The following COMMD10 variants were observed in gnomAD, a reference collection of about 807,000 sequenced individuals.
COMMD10 encodes the protein COMM domain containing 10.
In COMMD10, 33 loss-of-function variants were observed where a neutral mutation model predicts 28.9. The ratio of observed to expected loss-of-function variants is 1.14; its 90% CI spans 0.87 to 1.53. The LOEUF is 1.53. Among genes scored for constraint, COMMD10 ranks in the 40% most tolerant of loss-of-function variants. The pLI is 0.00. For synonymous variants in COMMD10, 110 were observed against 81.7 expected, an observed-to-expected ratio of 1.35 and a Z score of -1.87; for missense variants, 310 against 233.4, an observed-to-expected ratio of 1.33 and a Z score of -2.14.
At chr5:116,282,482 T>C (rs1486319857) in intron 5 of COMMD10, among the ~76,000 whole-genome samples, 1 of 151,952 alleles carries the variant, frequency 6.6e-6, no homozygotes, top group Non-Finnish European at 1.5e-5. Flanking sequence ...AACTCTATAA[T>C]GCTTTTACAT....
intron 1 of COMMD10, among the ~76,000 whole-genome samples, chr5:116,086,740 G>A (rs1411234698): frequency 6.6e-6 from 1 of 152,190 alleles, no homozygotes; most frequent in Non-Finnish European, 1.5e-5. Flanking sequence ...GATTATAGGG[G>A]TGAGCCACTG....
At chr5:116,111,655 T>G (rs996410028) in intron 4 of COMMD10, among the ~76,000 whole-genome samples, 11 of 152,188 alleles carry the variant, frequency 7.2e-5, no homozygotes, top group Admixed American at 6.5e-4. Context: ...TATGATTTGA[T>G]TTTTAAAAAT....
At chr5:116,109,900 G>A (rs1417469469) in intron 4 of COMMD10, among the ~76,000 whole-genome samples, 4 of 152,192 alleles carry the variant, frequency 2.6e-5, no homozygotes, top group Admixed American at 2.6e-4. Context: ...AGGACTTCCA[G>A]TACTATGTTA....
At chr5:116,111,375 A>G (rs191928029) in intron 4 of COMMD10, among the ~76,000 whole-genome samples, 12 of 151,728 alleles carry the variant, frequency 7.9e-5, no homozygotes, top group South Asian at 4.2e-4. Context: ...TTAATTTGCA[A>G]TCTTTCTACT....
At chr5:116,142,866 A>G (rs1212629609) in intron 5 of COMMD10, among the ~76,000 whole-genome samples, 1 of 151,696 alleles carries the variant, frequency 6.6e-6, no homozygotes, top group African/African-American at 2.4e-5. Flanking sequence ...AATTGCCAAG[A>G]TACTTTGAAA....
intron 5 of COMMD10, among the ~76,000 whole-genome samples, chr5:116,186,153 G>T (rs971514766): frequency 6.6e-6 from 1 of 152,066 alleles, no homozygotes; most frequent in Non-Finnish European, 1.5e-5. Flanking sequence ...TCGAATGAAG[G>T]TAACAAATTA....
intron 5 of COMMD10, among the ~76,000 whole-genome samples, chr5:116,290,695 A>T (rs536936802): frequency 1.3e-5 from 2 of 151,898 alleles, no homozygotes; most frequent in East Asian, 3.9e-4. Flanking sequence ...TGATCAGAGC[A>T]GTTAGCATAT....
intron 5 of COMMD10, among the ~76,000 whole-genome samples, chr5:116,150,068 T>C (rs1182485920): frequency 6.6e-6 from 1 of 152,162 alleles, no homozygotes; most frequent in Non-Finnish European, 1.5e-5. Flanking sequence ...TTCAGCTTTC[T>C]ACATATGGCT....
intron 5 of COMMD10, among the ~76,000 whole-genome samples, chr5:116,189,081 A>G (rs866335559): frequency 7.9e-5 from 12 of 152,300 alleles, no homozygotes; most frequent in Middle Eastern, 3.4e-3. Flanking sequence ...TGAGTGCCTT[A>G]GGTTCCACTT....
rs568179003 is a variant in COMMD10 at position 116,207,521 on chromosome 5, A to G, written c.510+73343A>G. Reference sequence around the variant, plus strand: ...CAGTATCAGAGAGGGGAAAAAAATAAGTATTTCAGATTTTTTTTTCTTGAG... The same window carrying G: ...CAGTATCAGAGAGGGGAAAAAAATAGGTATTTCAGATTTTTTTTTCTTGAG... On this transcript the variant is annotated intron_variant, in intron 5 of 6. Transcript: ENST00000274458. Among the ~76,000 whole-genome samples, 7 of 120,950 alleles carry G rather than the reference A, an allele frequency of 5.8e-5. No homozygotes were observed. The South Asian group carries it at 2.6e-3, about 44-fold the overall frequency. 79.3% of individuals were successfully genotyped at this position (120,950 alleles called of 152,430 possible).
At chr5:116,256,134 T>C (rs1302175179) in intron 5 of COMMD10, among the ~76,000 whole-genome samples, 2 of 151,740 alleles carry the variant, frequency 1.3e-5, no homozygotes, top group Non-Finnish European at 2.9e-5. Flanking sequence ...TATTTTACTT[T>C]ATTAAAATGC....
intron 5 of COMMD10, among the ~76,000 whole-genome samples, chr5:116,204,554 TC>T (rs1748762947): frequency 6.6e-6 from 1 of 152,126 alleles, no homozygotes; most frequent in African/African-American, 2.4e-5. Context: ...ATAATCTTTT[TC>T]CTCTATGTTA....
chr5:116,187,323 G>A (rs956369128), intron 5 of COMMD10, among the ~76,000 whole-genome samples: 1 of 152,046 alleles, frequency 6.6e-6, no homozygotes, highest in Non-Finnish European at 1.5e-5. Context: ...AGATAGCAGT[G>A]GCAGTGTATT....
At position 116,255,048 on chromosome 5, in the gene COMMD10, T is replaced by A. The variant is rs1750242018; in HGVS notation, c.511-36469T>A. Among the ~76,000 whole-genome samples, 3 of 151,696 alleles carry A rather than the reference T, an allele frequency of 2.0e-5. No individual in the cohort carries two copies. The South Asian group carries it at 6.2e-4, about 31-fold the overall frequency. ...TGTTGAATTGATCCCTTTAGCAGGA[T>A]GTAATGGCCTTCTTTGTCTCTTTTG... On this transcript the variant is annotated intron_variant, in intron 5 of 6. Transcript: ENST00000274458.
intron 4 of COMMD10, among the ~76,000 whole-genome samples, chr5:116,096,796 C>G (rs1750484729): frequency 1.3e-5 from 2 of 151,992 alleles, no homozygotes; most frequent in Non-Finnish European, 2.9e-5. Flanking sequence ...TCTTCTATGT[C>G]ATTGCTTCAT....
At chr5:116,272,438 T>C (rs1163170867) in intron 5 of COMMD10, among the ~76,000 whole-genome samples, 1 of 151,886 alleles carries the variant, frequency 6.6e-6, no homozygotes, top group Non-Finnish European at 1.5e-5. Context: ...TGCCAAAGTT[T>C]TGGCTAATGC....
chr5:116,279,226 C>T (rs190683116), intron 5 of COMMD10, among the ~76,000 whole-genome samples: 5 of 151,800 alleles, frequency 3.3e-5, no homozygotes, highest in Admixed American at 1.3e-4. Context: ...GAGATGAGTC[C>T]GTAGGAATCA....
intron 5 of COMMD10, among the ~76,000 whole-genome samples, chr5:116,170,434 C>T (rs966228582): frequency 1.3e-5 from 2 of 152,168 alleles, no homozygotes; most frequent in African/African-American, 2.4e-5. Flanking sequence ...AGATTCAGTG[C>T]CATCCCCATC....
intron 5 of COMMD10, among the ~76,000 whole-genome samples, chr5:116,202,191 C>G (rs966443502): frequency 6.6e-6 from 1 of 151,980 alleles, no homozygotes; most frequent in Non-Finnish European, 1.5e-5. Context: ...CCAATTTCAT[C>G]CATGTCCCTA....
Sources: allele counts gnomAD v4.1 joint callset (sites outside exome capture counted in the v4.1 genomes callset), GRCh38; gene constraint gnomAD v4.1.1; transcripts MANE v1.5; gene names NCBI Gene and HGNC (gene_info 2026-07-23, HGNC 2026-07-21).